Variants in PAM observed in about 807,000 individuals in gnomAD.
PAM encodes the protein peptidyl-glycine alpha-amidating monooxygenase.
PAM carries 72 observed loss-of-function variants against 122.1 expected under a neutral mutation model. The ratio of observed to expected loss-of-function variants is 0.59; its 90% CI spans 0.49 to 0.72. The LOEUF is 0.72. Ranked by LOEUF, PAM falls within the 30% of genes least tolerant of loss-of-function variation. PAM has a pLI of 0.00. For missense variants in PAM, 1,106 were observed against 1,183.7 expected, an observed-to-expected ratio of 0.93 and a Z score of 0.96; for synonymous variants, 389 against 404.4, an observed-to-expected ratio of 0.96 and a Z score of 0.46.
At chr5:102,778,097 A>C (rs1351551385) in intron 1 of PAM, among the ~76,000 whole-genome samples, 4 of 152,128 alleles carry the variant, frequency 2.6e-5, no homozygotes, top group Non-Finnish European at 5.9e-5. Context: ...ACAGAAAAAA[A>C]ATTAAAGGAG....
intron 21 of PAM, among the ~76,000 whole-genome samples, 178 bp from the exon 22 acceptor site, chr5:103,017,156 G>A (rs1782249908): frequency 6.6e-6 from 1 of 152,132 alleles, no homozygotes; most frequent in Non-Finnish European, 1.5e-5. Flanking sequence ...AGTACCCAAT[G>A]AATGAATGAA....
At chr5:102,854,364 G>A (rs1490477685) in intron 1 of PAM, among the ~76,000 whole-genome samples, 1 of 152,098 alleles carries the variant, frequency 6.6e-6, no homozygotes, top group Non-Finnish European at 1.5e-5. Flanking sequence ...TATACTGCCT[G>A]CGGGCCTCCT....
intron 1 of PAM, among the ~76,000 whole-genome samples, chr5:102,790,713 A>G (rs956128938): frequency 6.6e-6 from 1 of 152,088 alleles, no homozygotes; most frequent in Admixed American, 6.5e-5. Context: ...GTGCTATTCT[A>G]GTTATCAGAA....
chr5:102,815,698 TTGTTATCTAG>T (rs1391999711), intron 1 of PAM, among the ~76,000 whole-genome samples: 1 of 152,202 alleles, frequency 6.6e-6, no homozygotes, highest in Admixed American at 6.5e-5. Context: ...TCTGACTTGA[TTGTTATCTAG>T]AGTTATCTCC....
chr5:102,915,429 A>G (rs1023731033), intron 5 of PAM, among the ~76,000 whole-genome samples: 1 of 152,156 alleles, frequency 6.6e-6, no homozygotes, highest in Admixed American at 6.6e-5. Flanking sequence ...GGAACATATC[A>G]CATAGGAACC....
intron 11 of PAM, 85 bp from the exon 12 acceptor site, chr5:102,950,632 A>G: frequency 1.3e-6 from 1 of 798,914 alleles, no homozygotes; most frequent in Non-Finnish European, 2.1e-6. Context: ...GGGGTAAAGG[A>G]GGAACATACC....
chr5:102,829,785 A>G (rs1049387336), intron 1 of PAM, among the ~76,000 whole-genome samples: 2 of 152,170 alleles, frequency 1.3e-5, no homozygotes, highest in Non-Finnish European at 2.9e-5. Context: ...TAAAAATCTC[A>G]GAATCTAGAA....
At position 102,960,077 on chromosome 5, in the gene PAM, A is replaced by G. The variant is rs751423710; in HGVS notation, c.1090+18A>G. 4.7e-6 allele frequency: 6 copies of G among 1,274,264 alleles called. No homozygotes were observed. The South Asian group carries it at 8.1e-5, about 17-fold the overall frequency. 78.9% of individuals were successfully genotyped at this position (1,274,264 alleles called of 1,614,324 possible). ...TCATAAAGGTAATAATTGATGTTTA[A>G]TATAAAGTAATATATGATTTTGTAT... is the stretch of plus-strand genomic sequence containing the variant. On this transcript the variant is annotated intron_variant, in intron 13 of 25. Coordinates refer to ENST00000438793, the MANE Select transcript of PAM (RefSeq NM_001177306.2).
chr5:102,974,201 A>G lies in PAM; in HGVS notation c.1248A>G (p.Ala416=), dbSNP rs1766849495. 6.2e-7 allele frequency: 1 copy of G among 1,613,880 alleles called. No individual in the cohort carries two copies. The stretch of plus-strand genomic sequence containing the variant: ...ACAAATATAATCCTACAGAAAAGGC[A>G]GAATCAGAGTCAGACCTGGTAGCTG... ...HVHKYNPTEK[A]ESESDLVAEI... The change falls in exon 15 of 26, where the codon GCA becomes GCG. Residue 416 remains alanine, a synonymous_variant. Coordinates refer to ENST00000438793, the MANE Select transcript of PAM (RefSeq NM_001177306.2).
At chr5:102,872,888 C>CA (rs1482659687) in intron 3 of PAM, among the ~76,000 whole-genome samples, 1 of 152,028 alleles carries the variant, frequency 6.6e-6, no homozygotes, top group African/African-American at 2.4e-5. Flanking sequence ...GCTAAAAACT[C>CA]AGAGTAAAAT....
chr5:102,881,257 A>C (rs554116914), intron 3 of PAM, among the ~76,000 whole-genome samples: 21 of 152,210 alleles, frequency 1.4e-4, no homozygotes, highest in African/African-American at 4.6e-4. Context: ...GAGTTCCTAT[A>C]GATTTTGAAG....
chr5:103,022,507 A>T (rs1223540334), intron 23 of PAM, among the ~76,000 whole-genome samples: 1 of 152,156 alleles, frequency 6.6e-6, no homozygotes, highest in Non-Finnish European at 1.5e-5. Context: ...TTCTAAACGC[A>T]TTGCTTTAAA....
intron 21 of PAM, among the ~76,000 whole-genome samples, chr5:103,016,978 A>G (rs553478078): frequency 8.0e-4 from 122 of 152,334 alleles, no homozygotes; most frequent in Non-Finnish European, 1.5e-3. Context: ...GGTAGAAGAA[A>G]CATGTAGGCA....
intron 16 of PAM, 51 bp downstream of exon 16, chr5:102,990,452 A>AC: frequency 1.4e-6 from 2 of 1,402,174 alleles, no homozygotes; most frequent in Non-Finnish European, 9.7e-7. Flanking sequence ...AATAGTGTAC[A>AC]TAATTTTTTC....
At chr5:103,021,892 C>A (rs1303255590) in intron 23 of PAM, among the ~76,000 whole-genome samples, 1 of 151,996 alleles carries the variant, frequency 6.6e-6, no homozygotes, top group Non-Finnish European at 1.5e-5. Flanking sequence ...ATTTGAGTTG[C>A]CTTTGATAAC....
At position 102,946,857 on chromosome 5, in the gene PAM, G is replaced by GGT; in HGVS notation, c.552_553dup (p.Ser185CysfsTer12). Reference sequence around the variant, plus strand: ...TTCAGATAATAACAAGGACTGTTCTGGTGTGTCCTTACACCTCACACGTCT... The same window carrying GGT: ...TTCAGATAATAACAAGGACTGTTCTGGTGTGTGTCCTTACACCTCACACGTCT... On this transcript the variant is annotated frameshift_variant, in exon 8 of 26. Coordinates refer to ENST00000438793, the MANE Select transcript of PAM (RefSeq NM_001177306.2). LOFTEE classifies it high-confidence loss of function. 6.3e-7 allele frequency: 1 copy of GGT among 1,599,894 alleles called. No homozygotes were observed. Among genetic ancestry groups the GGT allele is most frequent in the Non-Finnish European group, 8.6e-7 (1 of 1,168,166 alleles).
At chr5:102,879,281 A>G (rs1489907189) in intron 3 of PAM, among the ~76,000 whole-genome samples, 1 of 152,114 alleles carries the variant, frequency 6.6e-6, no homozygotes, top group Non-Finnish European at 1.5e-5. Context: ...AGTGTTTATA[A>G]AGTCTACAGT....
At chr5:103,014,180 T>C (rs539072294) in intron 21 of PAM, among the ~76,000 whole-genome samples, 5 of 152,306 alleles carry the variant, frequency 3.3e-5, no homozygotes, top group African/African-American at 9.6e-5. Context: ...TAATGTACTG[T>C]GTCAACCAGG....
At chr5:102,778,065 G>A (rs932694627) in intron 1 of PAM, among the ~76,000 whole-genome samples, 1 of 152,118 alleles carries the variant, frequency 6.6e-6, no homozygotes, top group Admixed American at 6.5e-5. Context: ...GATCAAGTAA[G>A]CACCTCTTGG....
Sources: gnomAD v4.1 joint callset for allele counts (sites outside exome capture counted in the v4.1 genomes callset) on GRCh38, gnomAD v4.1.1 for gene constraint, MANE v1.5 for transcripts, NCBI Gene and HGNC (gene_info 2026-07-23, HGNC 2026-07-21) for gene names.